Variants in ZC3H3 observed in about 807,000 individuals in gnomAD.
ZC3H3 encodes the protein zinc finger CCCH domain-containing protein 3.
ZC3H3 carries 36 observed loss-of-function variants against 77.3 expected under a neutral mutation model. The ratio of observed to expected loss-of-function variants is 0.47; its 90% CI spans 0.36 to 0.61. The LOEUF is 0.61. Ranked by LOEUF, ZC3H3 falls within the 20% of genes least tolerant of loss-of-function variation. ZC3H3 has a pLI of 0.00. For synonymous variants in ZC3H3, 626 were observed against 555.2 expected, an observed-to-expected ratio of 1.13 and a Z score of -1.79; for missense variants, 1,331 against 1,312.2, an observed-to-expected ratio of 1.01 and a Z score of -0.22.
At chr8:143,540,124 A>G (rs994490305) in intron 1 of ZC3H3, among the ~76,000 whole-genome samples, 1 of 152,270 alleles carries the variant, frequency 6.6e-6, no homozygotes, top group African/African-American at 2.4e-5. Context: ...AGTGGGAGGC[A>G]GCCCACCTGG....
At chr8:143,440,658 C>T (rs560160959) in intron 10 of ZC3H3, among the ~76,000 whole-genome samples, 3 of 152,272 alleles carry the variant, frequency 2.0e-5, no homozygotes, top group South Asian at 2.1e-4. Context: ...AGACTCCTCC[C>T]GGGGCTGGGC....
At chr8:143,497,446 G>A (rs1821384460) in intron 4 of ZC3H3, among the ~76,000 whole-genome samples, 1 of 152,178 alleles carries the variant, frequency 6.6e-6, no homozygotes. Context: ...AAAGCCAGGG[G>A]GGCAGCCTGG....
chr8:143,441,936 G>A (rs758524001), intron 9 of ZC3H3, among the ~76,000 whole-genome samples: 7 of 152,142 alleles, frequency 4.6e-5, no homozygotes, highest in South Asian at 2.1e-4. Flanking sequence ...GGGACTAAGC[G>A]ACAGGCGTCC....
At chr8:143,537,758 C>T (rs1822849374) in intron 2 of ZC3H3, among the ~76,000 whole-genome samples, 1 of 152,210 alleles carries the variant, frequency 6.6e-6, no homozygotes, top group African/African-American at 2.4e-5. Context: ...CTCTCACCGG[C>T]AGGAGAAAGG....
chr8:143,483,416 G>A, intron 4 of ZC3H3, among the ~76,000 whole-genome samples: 1 of 152,220 alleles, frequency 6.6e-6, no homozygotes, highest in East Asian at 1.9e-4. Flanking sequence ...GAGAGGCCCA[G>A]CCCGTGAGGC....
At position 143,533,157 on chromosome 8, in the gene ZC3H3, G is replaced by A. The variant is rs919200419; in HGVS notation, c.1561+3100C>T. ...CAGAACCAACCCCCCGTTCCCTCCT[G>A]TGGCCTACAAGACCCTTTCCCAGGA... On this transcript the variant is annotated intron_variant, in intron 3 of 11. Transcript: ENST00000262577. This position sits in a 1 kb window ranked among gnomAD's most constrained non-coding sequence, Gnocchi z 4.0. 8.6e-5 allele frequency among the ~76,000 whole-genome samples: 13 copies of A among 152,002 alleles called. No homozygotes were observed. Among genetic ancestry groups the A allele is most frequent in the African/African-American group, 2.9e-4 (12 of 41,346 alleles).
intron 9 of ZC3H3, among the ~76,000 whole-genome samples, chr8:143,456,265 A>G (rs902871410): frequency 1.3e-5 from 2 of 152,244 alleles, no homozygotes; most frequent in African/African-American, 4.8e-5. Context: ...GAACTAATAG[A>G]AAACAAAATA....
chr8:143,450,251 A>G (rs1194037643), intron 9 of ZC3H3, among the ~76,000 whole-genome samples: 1 of 152,150 alleles, frequency 6.6e-6, no homozygotes, highest in Non-Finnish European at 1.5e-5. Context: ...ACACAATCTC[A>G]GCTCCCTGCA....
At chr8:143,474,156 C>G (rs562359685) in intron 5 of ZC3H3, among the ~76,000 whole-genome samples, 21 of 149,396 alleles carry the variant, frequency 1.4e-4, no homozygotes, top group Non-Finnish European at 2.9e-4. Context: ...AATCACACAG[C>G]CCAGTCCCTC....
intron 9 of ZC3H3, among the ~76,000 whole-genome samples, chr8:143,453,060 A>G (rs1419272582): frequency 6.6e-6 from 1 of 152,188 alleles, no homozygotes; most frequent in Non-Finnish European, 1.5e-5. Flanking sequence ...AGACAAAGAA[A>G]TAATCTTCAA....
chr8:143,448,763 G>C (rs1819920171), intron 9 of ZC3H3, among the ~76,000 whole-genome samples: 1 of 152,200 alleles, frequency 6.6e-6, no homozygotes, highest in Non-Finnish European at 1.5e-5. Context: ...TCCCAGTGGA[G>C]ACTCTGCGTG....
chr8:143,527,838 G>A (rs923832656), intron 3 of ZC3H3, among the ~76,000 whole-genome samples: 2 of 152,140 alleles, frequency 1.3e-5, no homozygotes, highest in African/African-American at 4.8e-5. Context: ...GCACCCAAAG[G>A]CACCGCTCAG....
intron 4 of ZC3H3, among the ~76,000 whole-genome samples, chr8:143,482,391 A>G (rs1177515972): frequency 1.3e-5 from 2 of 152,206 alleles, no homozygotes; most frequent in East Asian, 3.9e-4. Flanking sequence ...CCGGGCACGC[A>G]GGGGGCTCTG....
At chr8:143,471,619 G>A (rs933541798) in intron 5 of ZC3H3, among the ~76,000 whole-genome samples, 1 of 152,238 alleles carries the variant, frequency 6.6e-6, no homozygotes, top group Non-Finnish European at 1.5e-5. Flanking sequence ...GAGGGACCCT[G>A]GAGCTCAGGC....
At chr8:143,469,003 C>T (rs1563844302) in intron 5 of ZC3H3, among the ~76,000 whole-genome samples, 1 of 152,210 alleles carries the variant, frequency 6.6e-6, no homozygotes, top group African/African-American at 2.4e-5. Flanking sequence ...TGGAGACGCC[C>T]GCCTGTCCCT....
intron 5 of ZC3H3, among the ~76,000 whole-genome samples, chr8:143,474,034 C>A (rs546187822): frequency 2.6e-5 from 4 of 152,178 alleles, no homozygotes; most frequent in Non-Finnish European, 5.9e-5. Context: ...AGGCCTATCC[C>A]CCAACCCACG....
intron 9 of ZC3H3, among the ~76,000 whole-genome samples, chr8:143,442,277 A>T (rs542738692): frequency 6.6e-6 from 1 of 152,116 alleles, no homozygotes; most frequent in South Asian, 2.1e-4. Context: ...CATTCCTGCG[A>T]CACGGAGTCT....
intron 8 of ZC3H3, among the ~76,000 whole-genome samples, chr8:143,466,057 C>A (rs374028088): frequency 6.6e-6 from 1 of 152,212 alleles, no homozygotes; most frequent in African/African-American, 2.4e-5. Flanking sequence ...ACACCCCTGC[C>A]GTGCTCTGTC....
intron 5 of ZC3H3, among the ~76,000 whole-genome samples, chr8:143,474,118 G>T (rs975326459): frequency 5.3e-5 from 8 of 152,192 alleles, no homozygotes; most frequent in Admixed American, 2.6e-4. Context: ...AGCACCCGGG[G>T]TGTAGCAGAG....
Sources: allele counts gnomAD v4.1 joint callset (sites outside exome capture counted in the v4.1 genomes callset), GRCh38; gene constraint gnomAD v4.1.1; non-coding constraint Gnocchi (gnomAD v3.1); transcripts MANE v1.5; gene names NCBI Gene and HGNC (gene_info 2026-07-23, HGNC 2026-07-21).